Variants in EYA1 observed in about 807,000 individuals in gnomAD.
EYA1 encodes protein phosphatase EYA1.
A neutral mutation model predicts 82.0 loss-of-function variants in EYA1; 16 were observed. The ratio of observed to expected loss-of-function variants is 0.20; its 90% CI spans 0.13 to 0.30. EYA1 has a LOEUF of 0.30. EYA1 is among the 10% of genes least tolerant of loss of function. The pLI, the probability that EYA1 is intolerant of heterozygous loss-of-function variation, is 1.00. For synonymous variants in EYA1, 261 were observed against 264.4 expected, an observed-to-expected ratio of 0.99 and a Z score of 0.12; for missense variants, 633 against 730.7, an observed-to-expected ratio of 0.87 and a Z score of 1.54.
At chr8:71,292,751 A>G (rs11782921) in intron 9 of EYA1, among the ~76,000 whole-genome samples, 71,615 of 151,798 alleles carry the variant, frequency 0.47, 17,478 homozygotes, top group East Asian at 0.71. Flanking sequence ...AAGTAAATGA[A>G]AATGAAAAAG....
intron 1 of EYA1, among the ~76,000 whole-genome samples, chr8:71,540,692 T>C (rs796164906): frequency 2.6e-5 from 4 of 152,322 alleles, no homozygotes; most frequent in African/African-American, 9.6e-5. Context: ...TGCCATATTT[T>C]TCATCTCTAA....
chr8:71,207,987 C>T (rs185189136), intron 17 of EYA1, among the ~76,000 whole-genome samples: 3 of 152,264 alleles, frequency 2.0e-5, no homozygotes, highest in Non-Finnish European at 2.9e-5. Context: ...TTATCACCAA[C>T]ATTCTATGTG....
At chr8:71,244,730 T>C in intron 11 of EYA1, 38 bp from the exon 12 acceptor site, 3 of 1,214,794 alleles carry the variant, frequency 2.5e-6, no homozygotes, top group Non-Finnish European at 3.7e-6. Context: ...ACATGTATAC[T>C]TCAGGTTACA....
rs113692998 is a variant in EYA1, at chr8:71,261,517, A to C, written c.1050+8223T>G. Among the ~76,000 whole-genome samples the C allele has an allele frequency of 4.4e-3, 666 of 152,318 alleles. 2 individuals carry two copies. Among genetic ancestry groups the C allele is most frequent in the African/African-American group, 0.014 (585 of 41,576 alleles). On this transcript the variant is annotated intron_variant, in intron 11 of 17. Transcript: ENST00000340726. ...AACTTGTGGTGGGGCTAATCAGGTC[A>C]TTTTTACTGATTAGATACGTGACAC... is the stretch of plus-strand genomic sequence containing the variant.
chr8:71,275,681 T>C (rs1817085385), intron 9 of EYA1, among the ~76,000 whole-genome samples: 1 of 151,994 alleles, frequency 6.6e-6, no homozygotes, highest in African/African-American at 2.4e-5. Flanking sequence ...AAGAAACAGG[T>C]AAAATAAAGA....
intron 2 of EYA1, chr8:71,404,904 C>G (rs1203783709): frequency 8.4e-6 from 1 of 118,666 alleles, no homozygotes; most frequent in Non-Finnish European, 1.6e-5. Flanking sequence ...GGCGACAGAG[C>G]GAGACTCCAC....
chr8:71,306,445 C>G (rs1330865151), intron 7 of EYA1, among the ~76,000 whole-genome samples: 1 of 150,824 alleles, frequency 6.6e-6, no homozygotes, highest in African/African-American at 2.4e-5. Flanking sequence ...TCTGAATTGC[C>G]GGGGGTGGGG....
intron 9 of EYA1, among the ~76,000 whole-genome samples, chr8:71,294,474 A>ACAAAC (rs60667580): frequency 6.6e-6 from 1 of 151,304 alleles, no homozygotes; most frequent in African/African-American, 2.4e-5. Flanking sequence ...AAACAAACAA[A>ACAAAC]AAAAACACAC....
intron 10 of EYA1, among the ~76,000 whole-genome samples, chr8:71,270,461 T>A (rs1337035072): frequency 1.3e-5 from 2 of 152,222 alleles, no homozygotes; most frequent in Non-Finnish European, 2.9e-5. Context: ...GTATTTAAAA[T>A]GGGAACTGAA....
intron 2 of EYA1, among the ~76,000 whole-genome samples, chr8:71,472,637 GA>G (rs1350708197): frequency 6.6e-6 from 1 of 151,678 alleles, no homozygotes; most frequent in Non-Finnish European, 1.5e-5. Context: ...TTGAAGCACG[GA>G]AAGACTAAGT....
intron 1 of EYA1, among the ~76,000 whole-genome samples, chr8:71,541,618 A>G (rs147862090): frequency 6.6e-6 from 1 of 152,244 alleles, no homozygotes; most frequent in African/African-American, 2.4e-5. Flanking sequence ...AAAACTCTAA[A>G]TAAGTGACAA....
chr8:71,378,005 G>A (rs943660882), intron 2 of EYA1, among the ~76,000 whole-genome samples: 1 of 151,906 alleles, frequency 6.6e-6, no homozygotes, highest in South Asian at 2.1e-4. Flanking sequence ...TACTGACTCA[G>A]CTTCCTCTGA....
chr8:71,363,505 A>T (rs1827564309), upstream of EYA1, among the ~76,000 whole-genome samples: 1 of 152,174 alleles, frequency 6.6e-6, no homozygotes, highest in Admixed American at 6.5e-5. Context: ...TGGGCTAGTC[A>T]TCTACCATAT....
intron 2 of EYA1, among the ~76,000 whole-genome samples, chr8:71,439,426 T>C (rs1051930574): frequency 1.3e-5 from 2 of 152,156 alleles, no homozygotes; most frequent in Non-Finnish European, 2.9e-5. Flanking sequence ...TAACCTGGGG[T>C]TTGACAGTTA....
At chr8:71,250,845 AT>A (rs1813666337) in intron 11 of EYA1, among the ~76,000 whole-genome samples, 1 of 152,242 alleles carries the variant, frequency 6.6e-6, no homozygotes, top group Non-Finnish European at 1.5e-5. Flanking sequence ...ATGAAAAGCA[AT>A]AAATAGAGAA....
At chr8:71,366,901 T>G (rs1827788890), upstream of EYA1, among the ~76,000 whole-genome samples, 1 of 152,116 alleles carries the variant, frequency 6.6e-6, no homozygotes, top group African/African-American at 2.4e-5. Context: ...TCCAGAAAAG[T>G]GTGTGATATT....
intron 2 of EYA1, among the ~76,000 whole-genome samples, chr8:71,417,076 T>C (rs1233899216): frequency 1.3e-5 from 2 of 152,138 alleles, no homozygotes; most frequent in Non-Finnish European, 2.9e-5. Flanking sequence ...ATCTTTCTCC[T>C]GTGCTGGATG....
chr8:71,459,409 T>TATTTAA (rs1229245168), intron 2 of EYA1, among the ~76,000 whole-genome samples: 1 of 152,194 alleles, frequency 6.6e-6, no homozygotes, highest in Non-Finnish European at 1.5e-5. Context: ...TAAGTTTTGG[T>TATTTAA]GTAATGGGCT....
intron 11 of EYA1, among the ~76,000 whole-genome samples, chr8:71,251,853 C>T (rs540107419): frequency 6.6e-6 from 1 of 152,144 alleles, no homozygotes; most frequent in Admixed American, 6.5e-5. Context: ...ATCCTCATCA[C>T]AGCTATCACA....
Sources: gnomAD v4.1 joint callset for allele counts (sites outside exome capture counted in the v4.1 genomes callset) on GRCh38, gnomAD v4.1.1 for gene constraint, MANE v1.5 for transcripts, NCBI Gene and HGNC (gene_info 2026-07-23, HGNC 2026-07-21) for gene names.